The following TANC2 variants were observed in gnomAD, a reference collection of about 807,000 sequenced individuals.
TANC2 encodes tetratricopeptide repeat, ankyrin repeat and coiled-coil containing 2.
Under a neutral mutation model 210.5 loss-of-function variants are expected in TANC2, and 26 were observed. That is an observed-to-expected ratio of 0.12 (90% CI 0.09 to 0.17). The LOEUF (loss-of-function observed/expected upper bound fraction) is 0.17. Ranked by LOEUF, TANC2 falls within the 10% of genes least tolerant of loss-of-function variation. The pLI, the probability that TANC2 is intolerant of heterozygous loss-of-function variation, is 1.00. For missense variants in TANC2, 2,129 were observed against 2,608.9 expected (o/e 0.82, Z 4.01); for synonymous variants, 931 against 967.1 (o/e 0.96, Z 0.69).
At chr17:63,119,590 T>A (rs1006052329) in intron 4 of TANC2, among the ~76,000 whole-genome samples, 2 of 152,356 alleles carry the variant, frequency 1.3e-5, no homozygotes, top group South Asian at 4.1e-4. Context: ...ATAGGAATTT[T>A]AAATTTTATG....
At chr17:63,317,414 C>T (rs1012476903) in intron 10 of TANC2, among the ~76,000 whole-genome samples, 1 of 151,774 alleles carries the variant, frequency 6.6e-6, no homozygotes, top group African/African-American at 2.4e-5. Flanking sequence ...CCTGACACCC[C>T]CATCAGTCTC....
At chr17:63,142,420 CG>C (rs1193481453) in intron 4 of TANC2, among the ~76,000 whole-genome samples, 1 of 152,062 alleles carries the variant, frequency 6.6e-6, no homozygotes, top group Non-Finnish European at 1.5e-5. Flanking sequence ...TAGTCCTTTA[CG>C]TTTCTGCAGA....
At position 63,323,563 on chromosome 17, in the gene TANC2, G is replaced by C. The variant is rs530602966; in HGVS notation, c.1575+4473G>C. ...GATTTCTCTAGGTTTTGAATCTGTT[G>C]TGCCCCTGTGGTAATACACACAAAA... On this transcript the variant is annotated intron_variant, in intron 11 of 27. Coordinates refer to ENST00000689528, the Ensembl canonical transcript of TANC2. Among the ~76,000 whole-genome samples the C allele has an allele frequency of 2.6e-5, 4 of 152,162 alleles. No homozygotes were observed. In the South Asian group the frequency reaches 8.3e-4, roughly 32 times the overall value.
At chr17:63,096,065 C>T (rs1186898638) in intron 3 of TANC2, among the ~76,000 whole-genome samples, 4 of 151,998 alleles carry the variant, frequency 2.6e-5, no homozygotes, top group Non-Finnish European at 4.4e-5. Flanking sequence ...AAAAGGATTC[C>T]TCAGTTAAGG....
intron 2 of TANC2, among the ~76,000 whole-genome samples, chr17:63,063,471 TC>T (rs1347937867): frequency 6.6e-6 from 1 of 151,458 alleles, no homozygotes; most frequent in Non-Finnish European, 1.5e-5. Flanking sequence ...CAAAGGACAC[TC>T]CCGTCACCCA....
intron 8 of TANC2, among the ~76,000 whole-genome samples, chr17:63,247,197 G>A (rs2146124427): frequency 6.6e-6 from 1 of 152,052 alleles, no homozygotes; most frequent in South Asian, 2.1e-4. Context: ...ACATGTATTT[G>A]CAAATACTTC....
intron 2 of TANC2, among the ~76,000 whole-genome samples, chr17:63,044,355 G>T (rs1198637927): frequency 1.3e-5 from 2 of 151,948 alleles, no homozygotes; most frequent in Non-Finnish European, 2.9e-5. Context: ...TATAATAGGT[G>T]GTATCATTTC....
intron 1 of TANC2, among the ~76,000 whole-genome samples, chr17:62,981,480 A>C (rs868849905): frequency 6.6e-6 from 1 of 152,024 alleles, no homozygotes; most frequent in Non-Finnish European, 1.5e-5. Flanking sequence ...TGCAGCTTTC[A>C]CATTATTCTC....
At chr17:63,347,682 G>A (rs2046458778) in intron 12 of TANC2, among the ~76,000 whole-genome samples, 1 of 152,114 alleles carries the variant, frequency 6.6e-6, no homozygotes, top group Non-Finnish European at 1.5e-5. Flanking sequence ...ACACCCACAT[G>A]CTCATATAAA....
chr17:63,355,431 T>G, intron 14 of TANC2, 41 bp downstream of exon 14: 1 of 1,493,172 alleles, frequency 6.7e-7, no homozygotes, highest in Non-Finnish European at 8.9e-7. Context: ...GAGTCTGTTT[T>G]CTGTTTATTG....
rs1358619854 is a variant in TANC2, at chr17:63,098,466, ACACACACACACACATACACTCT to A, written c.140-707_140-686del. Reference sequence around the variant, plus strand: ...CACACACACACACACACACACACACACACACACACACACATACACTCTCTCTCTCTCTCTCTCTCTCTCTGTG... The same window carrying A: ...CACACACACACACACACACACACACACTCTCTCTCTCTCTCTCTCTCTGTG... On this transcript the variant is annotated intron_variant, in intron 3 of 27. Coordinates refer to ENST00000689528, the Ensembl canonical transcript of TANC2. Among the ~76,000 whole-genome samples the A allele has an allele frequency of 3.9e-3, 150 of 38,228 alleles. 6 individuals carry two copies. Among genetic ancestry groups the A allele is most frequent in the African/African-American group, 0.025 (138 of 5,528 alleles). 25.1% of individuals were successfully genotyped at this position (38,228 alleles called of 152,430 possible).
chr17:63,209,345 A>G (rs1471256419), intron 7 of TANC2, among the ~76,000 whole-genome samples: 2 of 150,900 alleles, frequency 1.3e-5, no homozygotes, highest in Non-Finnish European at 3.0e-5. Flanking sequence ...GTACCAGCTA[A>G]TTCTCTGGCA....
At chr17:63,272,995 A>T (rs191948249) in intron 9 of TANC2, among the ~76,000 whole-genome samples, 24 of 152,170 alleles carry the variant, frequency 1.6e-4, no homozygotes, top group African/African-American at 5.5e-4. Context: ...TCATAAAAAA[A>T]TTACACAGGC....
At chr17:63,180,899 ATG>A (rs2040757904) in intron 5 of TANC2, among the ~76,000 whole-genome samples, 1 of 151,458 alleles carries the variant, frequency 6.6e-6, no homozygotes, top group Non-Finnish European at 1.5e-5. Context: ...TGGCAGGTGC[ATG>A]TAGTCCCAGC....
chr17:63,409,861 T>TTA (rs1212757619), intron 21 of TANC2, among the ~76,000 whole-genome samples: 1 of 152,250 alleles, frequency 6.6e-6, no homozygotes, highest in African/African-American at 2.4e-5. Context: ...AAATGCTTAG[T>TTA]TATATATCGC....
intron 1 of TANC2, among the ~76,000 whole-genome samples, chr17:63,006,056 A>G (rs1235843770): frequency 6.6e-6 from 1 of 152,048 alleles, no homozygotes; most frequent in African/African-American, 2.4e-5. Flanking sequence ...TACATTTTAT[A>G]TTAAATGTTA....
At chr17:63,004,316 G>T (rs771105746) in intron 1 of TANC2, among the ~76,000 whole-genome samples, 6 of 152,168 alleles carry the variant, frequency 3.9e-5, no homozygotes, top group Non-Finnish European at 7.4e-5. Flanking sequence ...AGGTGTTTGG[G>T]CCTAAGGAGT....
chr17:63,083,815 C>G (rs1455928886), intron 3 of TANC2, among the ~76,000 whole-genome samples: 2 of 152,142 alleles, frequency 1.3e-5, no homozygotes, highest in East Asian at 3.9e-4. Context: ...AAGTGTTGAG[C>G]TAGTCTGGCA....
chr17:63,188,523 G>A (rs990969969), intron 5 of TANC2, among the ~76,000 whole-genome samples: 2 of 151,200 alleles, frequency 1.3e-5, no homozygotes, highest in African/African-American at 4.9e-5. Context: ...AACCCAGGAG[G>A]CGGAGGTTGC....
Sources: allele counts gnomAD v4.1 joint callset (sites outside exome capture counted in the v4.1 genomes callset), GRCh38; gene constraint gnomAD v4.1.1; transcripts MANE v1.5; gene names NCBI Gene and HGNC (gene_info 2026-07-23, HGNC 2026-07-21).